Variants in ZBBX observed in about 807,000 individuals in gnomAD.
The protein encoded by ZBBX is zinc finger B-box domain-containing protein 1.
A neutral mutation model predicts 108.5 loss-of-function variants in ZBBX; 101 were observed. The ratio of observed to expected loss-of-function variants is 0.93; its 90% CI spans 0.79 to 1.10. The LOEUF (loss-of-function observed/expected upper bound fraction) is 1.10, where lower values mean the gene tolerates loss of function less well. Among genes scored for constraint, ZBBX ranks in the 50% least tolerant of loss-of-function variants. The pLI, the probability that ZBBX is intolerant of heterozygous loss-of-function variation, is 0.00. For missense variants in ZBBX, 1,009 were observed against 941.4 expected, an observed-to-expected ratio of 1.07 and a Z score of -0.94; for synonymous variants, 356 against 323.4, an observed-to-expected ratio of 1.10 and a Z score of -1.08.
chr3:167,343,751 C>T (rs1267467520), intron 9 of ZBBX, among the ~76,000 whole-genome samples: 1 of 151,878 alleles, frequency 6.6e-6, no homozygotes, highest in Non-Finnish European at 1.5e-5. Context: ...GAAATCAGAA[C>T]TCTTGTACAT....
chr3:167,353,357 G>C (rs1310529071), intron 8 of ZBBX, among the ~76,000 whole-genome samples: 1 of 152,060 alleles, frequency 6.6e-6, no homozygotes, highest in Non-Finnish European at 1.5e-5. Flanking sequence ...GGAACTAGAT[G>C]GAGGCCATTA....
chr3:167,322,124 G>GT lies in ZBBX; in HGVS notation c.975dup (p.His326ThrfsTer11). 1 of 1,292,326 alleles carries GT rather than the reference G, an allele frequency of 7.7e-7. No individual in the cohort carries two copies. The highest frequency in any genetic ancestry group is 1.0e-6 in the Non-Finnish European group (1 of 974,822). 80.1% of individuals were successfully genotyped at this position (1,292,326 alleles called of 1,614,324 possible). On this transcript the variant is annotated frameshift_variant, in exon 12 of 22. Coordinates refer to ENST00000675490, the MANE Select transcript of ZBBX (RefSeq NM_001199201.2). LOFTEE classifies it high-confidence loss of function. ...TATAATTTCAGAAAATACCTCCTGT[G>GT]TTTTTTAAGCCATAATTTTTCCATA... is the stretch of plus-strand genomic sequence containing the variant.
intron 16 of ZBBX, among the ~76,000 whole-genome samples, chr3:167,306,809 G>A (rs1424076962): frequency 1.3e-5 from 2 of 152,108 alleles, no homozygotes; most frequent in Non-Finnish European, 2.9e-5. Context: ...ACTGAATATA[G>A]CTTCTTCTGG....
chr3:167,257,412 T>C (rs1723714880), intron 20 of ZBBX, among the ~76,000 whole-genome samples: 1 of 152,144 alleles, frequency 6.6e-6, no homozygotes, highest in Non-Finnish European at 1.5e-5. Context: ...CTTTATCTTT[T>C]TTAATTGCTC....
intron 9 of ZBBX, among the ~76,000 whole-genome samples, chr3:167,344,701 T>G (rs547063281): frequency 6.6e-6 from 1 of 151,730 alleles, no homozygotes; most frequent in East Asian, 2.0e-4. Flanking sequence ...TACACCTGAT[T>G]TAGAAACCTT....
the ZBBX span, among the ~76,000 whole-genome samples, chr3:167,217,891 A>AC: frequency 7.0e-6 from 1 of 141,854 alleles, no homozygotes; most frequent in Admixed American, 7.0e-5. Context: ...TGTTCTCACT[A>AC]TTTTTTTTTT....
chr3:167,351,733 C>A (rs944310657), intron 8 of ZBBX, among the ~76,000 whole-genome samples: 3 of 152,150 alleles, frequency 2.0e-5, no homozygotes, highest in African/African-American at 7.2e-5. Flanking sequence ...GGAGCCCATA[C>A]CCCAAGGGTC....
At position 167,360,657 on chromosome 3, in the gene ZBBX, T is replaced by C. The variant is rs769692465; in HGVS notation, c.322+18A>G. ...GGGATGTCTTTAGCATTTATTAACA[T>C]GGTGATAAATTATTTACCTTGAATC... On this transcript the variant is annotated intron_variant, in intron 7 of 21. Coordinates refer to ENST00000675490, the MANE Select transcript of ZBBX (RefSeq NM_001199201.2). 4 of 1,315,568 alleles carry C rather than the reference T, an allele frequency of 3.0e-6. No individual in the cohort carries two copies. The highest frequency in any genetic ancestry group is 1.5e-5 in the African/African-American group (1 of 65,420). 81.5% of individuals were successfully genotyped at this position (1,315,568 alleles called of 1,614,324 possible).
At chr3:167,279,530 A>C (rs142846019) in intron 20 of ZBBX, among the ~76,000 whole-genome samples, 119,712 of 146,698 alleles carry the variant, frequency 0.82, 49,283 homozygotes, top group African/African-American at 0.93. Context: ...CCTAGGAATC[A>C]AACTTACAAG....
chr3:167,295,769 A>G lies in ZBBX; in HGVS notation c.1879+2536T>C, dbSNP rs1731595302. On this transcript the variant is annotated intron_variant, in intron 18 of 21. Transcript: ENST00000675490. ...TATATATATATATATAAAAAAAACT[A>G]GTAAGGAGATTAAATCTGTTAACAA... Among the ~76,000 whole-genome samples the G allele has an allele frequency of 4.0e-5, 5 of 124,262 alleles. No homozygotes were observed. In the Admixed American group the frequency reaches 4.4e-4, roughly 11 times the overall value. The allele number at this position is 124,262 out of a possible 152,430, so 81.5% of individuals were successfully genotyped here.
intron 18 of ZBBX, 76 bp from the exon 19 acceptor site, chr3:167,289,059 C>T (rs1157791466): frequency 5.6e-6 from 5 of 898,112 alleles, no homozygotes; most frequent in Non-Finnish European, 8.2e-6. Flanking sequence ...ATATTTATGT[C>T]TTACTGGACA....
At chr3:167,189,801 C>T in the ZBBX span, among the ~76,000 whole-genome samples, 2 of 152,000 alleles carry the variant, frequency 1.3e-5, no homozygotes, top group African/African-American at 4.8e-5. Context: ...TTATTATCAC[C>T]CAAAATTCAT....
At chr3:167,357,794 A>T (rs1743830217) in intron 8 of ZBBX, among the ~76,000 whole-genome samples, 1 of 152,172 alleles carries the variant, frequency 6.6e-6, no homozygotes, top group South Asian at 2.1e-4. Flanking sequence ...CAACAATGAT[A>T]GACTGGATTA....
At chr3:167,344,591 A>G (rs955645080) in intron 9 of ZBBX, among the ~76,000 whole-genome samples, 1 of 151,752 alleles carries the variant, frequency 6.6e-6, no homozygotes, top group Non-Finnish European at 1.5e-5. Flanking sequence ...AAGGATGAGG[A>G]CAGGAATAAC....
chr3:167,298,211 G>A (rs1399106370), intron 18 of ZBBX, 94 bp downstream of exon 18: 3 of 1,021,830 alleles, frequency 2.9e-6, no homozygotes, highest in South Asian at 5.1e-5. Flanking sequence ...TTTTAGGCTG[G>A]CAAGAAGAAA....
chr3:167,386,324 G>C (rs767206105), intron 1 of ZBBX, among the ~76,000 whole-genome samples: 3 of 152,014 alleles, frequency 2.0e-5, no homozygotes, highest in African/African-American at 7.2e-5. Context: ...ACTTAAACTA[G>C]GATGGATTGT....
At chr3:167,276,002 C>T (rs1238951998) in intron 20 of ZBBX, among the ~76,000 whole-genome samples, 1 of 152,116 alleles carries the variant, frequency 6.6e-6, no homozygotes, top group African/African-American at 2.4e-5. Context: ...CTGGGAGGCA[C>T]CCCCCAGCAG....
intron 11 of ZBBX, among the ~76,000 whole-genome samples, chr3:167,322,587 A>C (rs571363968): frequency 3.3e-5 from 5 of 152,242 alleles, no homozygotes; most frequent in African/African-American, 1.2e-4. Flanking sequence ...ATAAAGTGTT[A>C]TAGCCACTGA....
chr3:167,276,204 G>A (rs528844457), intron 20 of ZBBX, among the ~76,000 whole-genome samples: 2 of 152,110 alleles, frequency 1.3e-5, no homozygotes, highest in South Asian at 4.1e-4. Context: ...CCAAAGGAAT[G>A]CAGTTCCTCA....
Sources: gnomAD v4.1 joint callset for allele counts (sites outside exome capture counted in the v4.1 genomes callset) on GRCh38, gnomAD v4.1.1 for gene constraint, MANE v1.5 for transcripts, NCBI Gene and HGNC (gene_info 2026-07-23, HGNC 2026-07-21) for gene names.